RORB: variants seen among roughly 807,000 people sequenced by gnomAD.
RORB encodes the protein RAR related orphan receptor B.
RORB carries 6 observed loss-of-function variants against 59.1 expected under a neutral mutation model. That is an observed-to-expected ratio of 0.10 (90% CI 0.06 to 0.20). RORB has a LOEUF of 0.20. Ranked by LOEUF, RORB falls within the 10% of genes least tolerant of loss-of-function variation. The pLI is 1.00. For synonymous variants in RORB, 215 were observed against 204.5 expected, an observed-to-expected ratio of 1.05 and a Z score of -0.44; for missense variants, 320 against 560.5, an observed-to-expected ratio of 0.57 and a Z score of 4.33.
At chr9:74,510,029 A>G (rs914982922) in intron 1 of RORB, among the ~76,000 whole-genome samples, 5 of 152,120 alleles carry the variant, frequency 3.3e-5, no homozygotes, top group Non-Finnish European at 7.4e-5. Context: ...TTAATTTGCA[A>G]TTCTTTAAAA....
intron 1 of RORB, among the ~76,000 whole-genome samples, chr9:74,524,210 G>A (rs1429047972): frequency 6.6e-6 from 1 of 151,650 alleles, no homozygotes; most frequent in Non-Finnish European, 1.5e-5. Flanking sequence ...AGTTTGTCCT[G>A]GATGGCAAGT....
In RORB at chr9:74,685,443, T is replaced by C; in HGVS notation, c.1225-20T>C. 2 of 1,590,018 alleles carry C rather than the reference T, an allele frequency of 1.3e-6. No individual in the cohort carries two copies. The highest frequency in any genetic ancestry group is 1.7e-6 in the Non-Finnish European group (2 of 1,163,792). On this transcript the variant is annotated intron_variant, in intron 9 of 9. Coordinates refer to ENST00000376896, the MANE Select transcript of RORB (RefSeq NM_006914.4). ...ATGAGCTTCCCTCTCTATCTCCCTC[T>C]CTGTCTCTCCGTTCTGCAGTTAATA... is the stretch of plus-strand genomic sequence containing the variant.
At chr9:74,506,914 T>G (rs764486873) in intron 1 of RORB, among the ~76,000 whole-genome samples, 1 of 152,124 alleles carries the variant, frequency 6.6e-6, no homozygotes, top group Non-Finnish European at 1.5e-5. Context: ...AATTCCAGAT[T>G]TTTTCTTGGA....
chr9:74,569,364 AAGTATAT>A (rs1319323351), intron 1 of RORB, among the ~76,000 whole-genome samples: 1 of 152,070 alleles, frequency 6.6e-6, no homozygotes, highest in East Asian at 1.9e-4. Flanking sequence ...ATATATATTA[AAGTATAT>A]AGTGTATAGT....
At chr9:74,652,446 T>C (rs1824009502) in intron 4 of RORB, among the ~76,000 whole-genome samples, 1 of 152,204 alleles carries the variant, frequency 6.6e-6, no homozygotes, top group South Asian at 2.1e-4. Context: ...CTTCCTAAAA[T>C]TTGAGAAAAT....
At chr9:74,529,792 T>C (rs1826208555) in intron 1 of RORB, among the ~76,000 whole-genome samples, 1 of 151,886 alleles carries the variant, frequency 6.6e-6, no homozygotes, top group Admixed American at 6.6e-5. Flanking sequence ...TCCTAAATTA[T>C]AGATTTTTAA....
At chr9:74,606,172 A>G (rs954344115) in intron 1 of RORB, among the ~76,000 whole-genome samples, 3 of 152,206 alleles carry the variant, frequency 2.0e-5, no homozygotes, top group African/African-American at 4.8e-5. Flanking sequence ...CTCCTACTGT[A>G]ATATGCTCTC....
intron 1 of RORB, among the ~76,000 whole-genome samples, chr9:74,603,822 A>C (rs1823105963): frequency 6.6e-6 from 1 of 152,220 alleles, no homozygotes; most frequent in Admixed American, 6.5e-5. Context: ...TGTGTGACAC[A>C]CAGAGAGCTG....
At chr9:74,503,196 G>A (rs922389500) in intron 1 of RORB, among the ~76,000 whole-genome samples, 4 of 151,942 alleles carry the variant, frequency 2.6e-5, no homozygotes, top group African/African-American at 9.7e-5. Context: ...GATGAAATAA[G>A]CACTCTAAAC....
intron 1 of RORB, among the ~76,000 whole-genome samples, chr9:74,618,670 C>T (rs1823353555): frequency 6.6e-6 from 1 of 152,090 alleles, no homozygotes; most frequent in Non-Finnish European, 1.5e-5. Flanking sequence ...TCTACTGCGT[C>T]TATCAATGAA....
chr9:74,565,887 G>A (rs1182898805), intron 1 of RORB, among the ~76,000 whole-genome samples: 2 of 152,030 alleles, frequency 1.3e-5, no homozygotes, highest in African/African-American at 4.8e-5. Flanking sequence ...TGCCTAATTC[G>A]AATTAAAACT....
At chr9:74,670,192 T>C (rs2118540586) in intron 8 of RORB, among the ~76,000 whole-genome samples, 1 of 152,284 alleles carries the variant, frequency 6.6e-6, no homozygotes, top group South Asian at 2.1e-4. Flanking sequence ...CTTCTACCAT[T>C]TTCTCATTGC....
rs563532965 is a variant in RORB, at chr9:74,593,143, C to A, written c.8-37139C>A. Reference sequence around the variant, plus strand: ...CAACAAATTGTTACTGATTGCAAGTCAGGCACCAAAACCATGACTTGATTA... The same window carrying A: ...CAACAAATTGTTACTGATTGCAAGTAAGGCACCAAAACCATGACTTGATTA... On this transcript the variant is annotated intron_variant, in intron 1 of 9. Transcript: ENST00000376896. 5.9e-5 allele frequency among the ~76,000 whole-genome samples: 9 copies of A among 152,206 alleles called. No individual in the cohort carries two copies. In the South Asian group the frequency reaches 1.7e-3, roughly 28 times the overall value.
chr9:74,625,898 GA>G (rs539720771), intron 1 of RORB, among the ~76,000 whole-genome samples: 11 of 152,174 alleles, frequency 7.2e-5, no homozygotes, highest in South Asian at 4.1e-4. Flanking sequence ...GAACGTACGT[GA>G]AAAGTCTGTT....
chr9:74,569,721 T>A (rs1822522081), intron 1 of RORB, among the ~76,000 whole-genome samples: 1 of 152,078 alleles, frequency 6.6e-6, no homozygotes, highest in African/African-American at 2.4e-5. Flanking sequence ...AATTTTAAAA[T>A]ACCTCAGAAA....
intron 1 of RORB, among the ~76,000 whole-genome samples, chr9:74,527,485 C>T (rs1054628293): frequency 6.6e-6 from 1 of 151,884 alleles, no homozygotes; most frequent in Non-Finnish European, 1.5e-5. Context: ...GTAAGTTCTA[C>T]AAAGAATAAT....
chr9:74,543,304 T>C (rs926635158), intron 1 of RORB, among the ~76,000 whole-genome samples: 26 of 152,308 alleles, frequency 1.7e-4, no homozygotes, highest in African/African-American at 6.0e-4. Context: ...TACAGGCAGA[T>C]ATATGAGCAA....
At chr9:74,511,590 C>A (rs774734312) in intron 1 of RORB, among the ~76,000 whole-genome samples, 1 of 150,066 alleles carries the variant, frequency 6.7e-6, no homozygotes, top group Non-Finnish European at 1.5e-5. Flanking sequence ...ACATAGCAAG[C>A]CCTCATCTAT....
At chr9:74,599,495 G>A (rs375634798) in intron 1 of RORB, among the ~76,000 whole-genome samples, 1 of 152,044 alleles carries the variant, frequency 6.6e-6, no homozygotes, top group Non-Finnish European at 1.5e-5. Flanking sequence ...CTGCTGTCCC[G>A]GAAGAGCACT....
Sources: gnomAD v4.1 joint callset for allele counts (sites outside exome capture counted in the v4.1 genomes callset) on GRCh38, gnomAD v4.1.1 for gene constraint, MANE v1.5 for transcripts, NCBI Gene and HGNC (gene_info 2026-07-23, HGNC 2026-07-21) for gene names.